The following METTL15 variants were observed in gnomAD, a reference collection of about 807,000 sequenced individuals.
The protein encoded by METTL15 is 12S rRNA N(4)-cytidine methyltransferase METTL15.
In METTL15, 34 loss-of-function variants were observed where a neutral mutation model predicts 38.3. The observed-to-expected ratio is 0.89, with a 90% CI of 0.68 to 1.18. The LOEUF is 1.18. Ranked by LOEUF, METTL15 falls within the 50% of genes most tolerant of loss-of-function variation. METTL15 has a pLI of 0.00. For missense variants in METTL15, 438 were observed against 498.4 expected (o/e 0.88, Z 1.15); for synonymous variants, 162 against 170.9 (o/e 0.95, Z 0.41).
At chr11:28,525,062 G>C (rs575956200) in intron 6 of METTL15, among the ~76,000 whole-genome samples, 1 of 151,776 alleles carries the variant, frequency 6.6e-6, no homozygotes, top group African/African-American at 2.4e-5. Context: ...TGGTGGGTTC[G>C]TGGTCTCGCT....
intron 6 of METTL15, among the ~76,000 whole-genome samples, chr11:28,468,394 G>T (rs981666324): frequency 6.6e-6 from 1 of 152,086 alleles, no homozygotes; most frequent in Non-Finnish European, 1.5e-5. Context: ...AAACAATTTT[G>T]TTCCCCAGAG....
chr11:28,329,832 A>G (rs557224796), intron 6 of METTL15, among the ~76,000 whole-genome samples: 3 of 152,118 alleles, frequency 2.0e-5, no homozygotes, highest in Non-Finnish European at 4.4e-5. Flanking sequence ...TAAATATCTT[A>G]GTAGACTTAG....
chr11:28,185,729 A>G (rs1851470101), intron 3 of METTL15, among the ~76,000 whole-genome samples: 1 of 151,158 alleles, frequency 6.6e-6, no homozygotes, highest in African/African-American at 2.4e-5. Context: ...AATTATTCTA[A>G]TTCTGTATGT....
intron 4 of METTL15, among the ~76,000 whole-genome samples, chr11:28,233,304 C>A (rs910455673): frequency 6.6e-6 from 1 of 151,934 alleles, no homozygotes; most frequent in African/African-American, 2.4e-5. Context: ...TAGTAGAATC[C>A]TTTGGAAGTA....
chr11:28,365,961 A>G (rs1254625628), intron 5 of METTL15, among the ~76,000 whole-genome samples: 1 of 152,098 alleles, frequency 6.6e-6, no homozygotes, highest in Admixed American at 6.5e-5. Flanking sequence ...GAGGCAGGAG[A>G]ACAGCATGAA....
At chr11:28,329,016 A>G (rs1189355497) in intron 6 of METTL15, among the ~76,000 whole-genome samples, 1 of 152,104 alleles carries the variant, frequency 6.6e-6, no homozygotes, top group Non-Finnish European at 1.5e-5. Flanking sequence ...TTGGTGTCAT[A>G]TCTAAGAATC....
chr11:28,233,498 G>T (rs1008476281), intron 4 of METTL15, among the ~76,000 whole-genome samples: 4 of 151,564 alleles, frequency 2.6e-5, no homozygotes, highest in Non-Finnish European at 4.4e-5. Context: ...AAGTCCCTCT[G>T]GAATACAACA....
chr11:28,390,445 A>C (rs1393374285), intron 5 of METTL15, among the ~76,000 whole-genome samples: 2 of 152,068 alleles, frequency 1.3e-5, no homozygotes, highest in Non-Finnish European at 2.9e-5. Flanking sequence ...CTTTCTACAT[A>C]TGGCTAGCCA....
rs936762216 is a variant in METTL15, at chr11:28,331,914, A to G, written c.*1073A>G. The G allele has an allele frequency of 6.6e-6, 1 of 152,162 alleles. No individual in the cohort carries two copies. The highest frequency in any genetic ancestry group is 1.5e-5 in the Non-Finnish European group (1 of 68,004). The allele number at this position is 152,162 out of a possible 1,614,324, so 9.4% of individuals were successfully genotyped here. ...ATGGAAGGGGGCATGTTGATTAACC[A>G]TACATAGAAATAAATATTCTCTTAG... On this transcript the variant is annotated 3_prime_UTR_variant, in exon 7 of 7. Transcript: ENST00000407364.
intron 6 of METTL15, among the ~76,000 whole-genome samples, chr11:28,465,730 A>C (rs7103358): frequency 1.3e-4 from 20 of 152,186 alleles, no homozygotes; most frequent in Admixed American, 3.9e-4. Context: ...GATTTATCCT[A>C]TACTACAGCA....
At chr11:28,470,106 G>A (rs926241812) in intron 6 of METTL15, among the ~76,000 whole-genome samples, 1 of 152,236 alleles carries the variant, frequency 6.6e-6, no homozygotes, top group East Asian at 1.9e-4. Flanking sequence ...ATTAGTGGTA[G>A]CAGGCCATTG....
downstream of METTL15, among the ~76,000 whole-genome samples, chr11:28,335,024 A>G (rs556210184): frequency 6.6e-6 from 1 of 152,196 alleles, no homozygotes; most frequent in Admixed American, 6.6e-5. Flanking sequence ...CTGTTGTCCT[A>G]TTAAATATAT....
chr11:28,299,594 C>T (rs1175823110), intron 6 of METTL15, among the ~76,000 whole-genome samples: 1 of 152,086 alleles, frequency 6.6e-6, no homozygotes, highest in Non-Finnish European at 1.5e-5. Context: ...ATCCTACCCT[C>T]ACACAATTTG....
chr11:28,113,620 A>G lies in METTL15; in HGVS notation c.270+16A>G, dbSNP rs759387628. The G allele has an allele frequency of 1.9e-6, 3 of 1,596,924 alleles. No homozygotes were observed. The highest frequency in any genetic ancestry group is 4.5e-5 in the East Asian group (2 of 44,656). ...AAAAGGACAGGTGAGTTGAATTTTT[A>G]TTTTTTAGCAAGTTTTTGTTGAGAT... On this transcript the variant is annotated intron_variant, in intron 3 of 6. Transcript: ENST00000407364.
chr11:28,338,029 C>G, downstream of METTL15, among the ~76,000 whole-genome samples: 1 of 151,896 alleles, frequency 6.6e-6, no homozygotes. Context: ...CTTCCTTTAT[C>G]CCTACTTTTT....
intron 4 of METTL15, among the ~76,000 whole-genome samples, chr11:28,265,481 G>A (rs1268067557): frequency 1.3e-5 from 2 of 151,926 alleles, no homozygotes; most frequent in Non-Finnish European, 2.9e-5. Context: ...TTTACATGGA[G>A]TGTAGATACA....
chr11:28,417,749 T>G (rs1199458105), intron 5 of METTL15, among the ~76,000 whole-genome samples: 2 of 152,152 alleles, frequency 1.3e-5, no homozygotes, highest in Non-Finnish European at 2.9e-5. Context: ...CCCTGGCCAC[T>G]GAGGGGCAGG....
intron 5 of METTL15, among the ~76,000 whole-genome samples, chr11:28,292,001 T>A (rs150721023): frequency 5.5e-4 from 84 of 152,234 alleles, no homozygotes; most frequent in African/African-American, 1.9e-3. Flanking sequence ...GTAGATGGTA[T>A]AGACTATAAC....
intron 6 of METTL15, among the ~76,000 whole-genome samples, chr11:28,460,199 T>G (rs1420803084): frequency 6.6e-6 from 1 of 152,128 alleles, no homozygotes; most frequent in East Asian, 1.9e-4. Flanking sequence ...TTTTCAAATG[T>G]GAGACTGTAT....
Sources: gnomAD v4.1 joint callset for allele counts (sites outside exome capture counted in the v4.1 genomes callset) on GRCh38, gnomAD v4.1.1 for gene constraint, MANE v1.5 for transcripts, NCBI Gene and HGNC (gene_info 2026-07-23, HGNC 2026-07-21) for gene names.